The following TASOR2 variants were observed in gnomAD, a reference collection of about 807,000 sequenced individuals.
The protein encoded by TASOR2 is transcription activation suppressor family member 2.
TASOR2 carries 84 observed loss-of-function variants against 199.5 expected under a neutral mutation model. The observed-to-expected ratio is 0.42, with a 90% CI of 0.35 to 0.50. TASOR2 has a LOEUF of 0.50. TASOR2 is among the 20% of genes least tolerant of loss of function. The pLI is 0.02. For synonymous variants in TASOR2, 1,103 were observed against 1,046.6 expected (o/e 1.05, Z -1.04); for missense variants, 2,796 against 2,835.9 (o/e 0.99, Z 0.32).
Position 5,750,168 on chromosome 10 carries a change from T to A in TASOR2, c.6606+141T>A. On this transcript the variant is annotated intron_variant, in intron 15 of 20. Transcript: ENST00000328090. The surrounding 1 kb of genome is among the most constrained non-coding windows in gnomAD (Gnocchi z 5.4). ...TTTCACAGCTTAGTCTTTATCTGCA[T>A]ACTAAATGTTTTCCTGCAGGATCTG... The A allele has an allele frequency of 1.1e-6, 1 of 893,706 alleles. No individual in the cohort carries two copies. Among genetic ancestry groups the A allele is most frequent in the Non-Finnish European group, 1.6e-6 (1 of 622,864 alleles). The allele number at this position is 893,706 out of a possible 1,614,324, so 55.4% of individuals were successfully genotyped here.
intron 1 of TASOR2, among the ~76,000 whole-genome samples, chr10:5,711,732 A>G (rs996240764): frequency 1.3e-5 from 2 of 152,212 alleles, no homozygotes; most frequent in South Asian, 2.1e-4. Context: ...GCTATCTCAC[A>G]TGGGTATGGT....
rs1342238416 is a variant in TASOR2 at position 5,748,026 on chromosome 10, A to G, written c.4605A>G (p.Thr1535=). The G allele has an allele frequency of 6.2e-7, 1 of 1,614,040 alleles. No individual in the cohort carries two copies. Among genetic ancestry groups the G allele is most frequent in the East Asian group, 2.2e-5 (1 of 44,892 alleles). ...AGCCTGCCTCAGCTGCCAAATGCAC[A>G]GGTGACTTCAGTCCTTCTCCTGAAA... The change falls in exon 15 of 21, where the codon ACA becomes ACG. Residue 1535 remains threonine, a synonymous_variant. Coordinates refer to ENST00000328090, the Ensembl canonical transcript of TASOR2. This position sits in a 1 kb window ranked among gnomAD's most constrained non-coding sequence, Gnocchi z 5.1.
At position 5,750,893 on chromosome 10, in the gene TASOR2, A is replaced by G. The variant is rs1837947010; in HGVS notation, c.6606+866A>G. ...TCTAGGTCTAGGATCATAGGTGTCTAGAATTGTCATGTCTTCAGTCTGCAA... is the reference window on the plus strand; with the variant it reads ...TCTAGGTCTAGGATCATAGGTGTCTGGAATTGTCATGTCTTCAGTCTGCAA... On this transcript the variant is annotated intron_variant, in intron 15 of 20. Transcript: ENST00000328090. The surrounding 1 kb of genome is among the most constrained non-coding windows in gnomAD (Gnocchi z 5.4). 6.6e-6 allele frequency among the ~76,000 whole-genome samples: 1 copy of G among 152,234 alleles called. No homozygotes were observed. Among genetic ancestry groups the G allele is most frequent in the South Asian group, 2.1e-4 (1 of 4,824 alleles).
rs778566991 is a variant in TASOR2 at position 5,742,109 on chromosome 10, T to C, written c.2340T>C (p.Thr780=). 1 of 1,613,826 alleles carries C rather than the reference T, an allele frequency of 6.2e-7. No homozygotes were observed. The highest frequency in any genetic ancestry group is 8.5e-7 in the Non-Finnish European group (1 of 1,179,944). Residue 780 remains threonine (T), a synonymous_variant, in exon 14 of 21, where the codon ACT becomes ACC. Coordinates refer to ENST00000328090, the Ensembl canonical transcript of TASOR2. The surrounding 1 kb of genome is among the most constrained non-coding windows in gnomAD (Gnocchi z 4.2). ...TGTAAACTCTTAGGCCCTGGAATAC[T>C]GATTTGCCTGATAATGTGGAAGAAG...
chr10:5,736,285 G>A (rs1468843299), intron 12 of TASOR2, among the ~76,000 whole-genome samples: 1 of 152,052 alleles, frequency 6.6e-6, no homozygotes, highest in Non-Finnish European at 1.5e-5. Flanking sequence ...AGGCGTGGTG[G>A]CACATGCCTG....
chr10:5,727,391 C>A (rs1834181845), intron 10 of TASOR2, among the ~76,000 whole-genome samples: 1 of 152,134 alleles, frequency 6.6e-6, no homozygotes, highest in Admixed American at 6.5e-5. Context: ...AAACTGAATT[C>A]ATTTATTATT....
chr10:5,759,745 C>T (rs1372273898), intron 18 of TASOR2, among the ~76,000 whole-genome samples: 2 of 152,240 alleles, frequency 1.3e-5, no homozygotes, highest in African/African-American at 4.8e-5. Flanking sequence ...CGACTGTTAG[C>T]TGTATGTGAC....
chr10:5,757,792 A>G, intron 17 of TASOR2, 119 bp downstream of exon 18: 1 of 1,038,908 alleles, frequency 9.6e-7, no homozygotes, highest in Non-Finnish European at 1.4e-6. Context: ...GTTGCCCCCT[A>G]CTGAGGCATA....
chr10:5,732,610 T>G (rs946469498), intron 11 of TASOR2, among the ~76,000 whole-genome samples: 6 of 152,132 alleles, frequency 3.9e-5, no homozygotes, highest in African/African-American at 1.4e-4. Context: ...CAGGCTGGAG[T>G]TGAGTGACAT....
rs1048771191 is a variant in TASOR2, at chr10:5,706,427, G to A, written c.-287-6396G>A. Among the ~76,000 whole-genome samples, 8 of 152,140 alleles carry A rather than the reference G, an allele frequency of 5.3e-5. No homozygotes were observed. Among genetic ancestry groups the A allele is most frequent in the African/African-American group, 1.7e-4 (7 of 41,422 alleles). On this transcript the variant is annotated intron_variant, in intron 1 of 20. Transcript: ENST00000328090. This position sits in a 1 kb window ranked among gnomAD's most constrained non-coding sequence, Gnocchi z 4.8. ...TAACATCCCCCAGCAAAGTTAGAAA[G>A]CCAGGCAGTAATATCAGAGGGCACA... is the stretch of plus-strand genomic sequence containing the variant.
chr10:5,705,362 A>G (rs1434213431), intron 1 of TASOR2, among the ~76,000 whole-genome samples: 1 of 152,188 alleles, frequency 6.6e-6, no homozygotes, highest in African/African-American at 2.4e-5. Context: ...ATTATGTGTG[A>G]ATATACAAGT....
rs148894359 is a variant in TASOR2 at position 5,761,465 on chromosome 10, C to T, written c.7168C>T (p.Leu2390=). The T allele has an allele frequency of 1.3e-5, 21 of 1,610,822 alleles. No homozygotes were observed. In the East Asian group the frequency reaches 3.8e-4, roughly 29 times the overall value. The change falls in exon 19 of 21, where the codon CTA becomes TTA. Residue 2390 remains leucine (L), a synonymous_variant. Coordinates refer to ENST00000328090, the Ensembl canonical transcript of TASOR2. The stretch of plus-strand genomic sequence containing the variant: ...TATTGATGCCAGGTTTGCTGTCCTC[C>T]TAACAGGTAATTCACAGGCGCATTT...
intron 1 of TASOR2, among the ~76,000 whole-genome samples, chr10:5,700,918 T>G (rs1301964658): frequency 1.3e-5 from 2 of 151,972 alleles, no homozygotes; most frequent in Non-Finnish European, 2.9e-5. Context: ...AAATATTTTC[T>G]CCCATTCTGT....
chr10:5,691,568 T>C (rs184334166), intron 1 of TASOR2, among the ~76,000 whole-genome samples: 2 of 152,370 alleles, frequency 1.3e-5, no homozygotes, highest in African/African-American at 4.8e-5. Flanking sequence ...ATCTACATAA[T>C]TGTTTATGAA....
Position 5,762,513 on chromosome 10 carries a change from T to TTTTG in TASOR2, c.7175-16_7175-15insGTTT, listed in dbSNP as rs1554784533. ...ATTAATTATATTAACCAAAAGTTGT[T>TTTTG]TTTTTTTTTTTTTAACAGACAAGCC... On this transcript the variant is annotated intron_variant, in intron 19 of 20. Coordinates refer to ENST00000328090, the Ensembl canonical transcript of TASOR2. The TTTTG allele has an allele frequency of 1.5e-5, 8 of 538,668 alleles. 1 individual carries two copies. Among genetic ancestry groups the TTTTG allele is most frequent in the African/African-American group, 8.1e-5 (4 of 49,506 alleles). 33.4% of individuals were successfully genotyped at this position (538,668 alleles called of 1,614,324 possible).
chr10:5,690,240 T>C lies in TASOR2; in HGVS notation c.-288+5065T>C, dbSNP rs568245435. ...GCTTTTTTAATTTGCTTTTTAAAAT[T>C]ACTGTTTTTATCATAAGAAATGTAT... On this transcript the variant is annotated intron_variant, in intron 1 of 20. Transcript: ENST00000328090. This position sits in a 1 kb window ranked among gnomAD's most constrained non-coding sequence, Gnocchi z 4.8. Among the ~76,000 whole-genome samples, 2 of 152,358 alleles carry C rather than the reference T, an allele frequency of 1.3e-5. No homozygotes were observed. The highest frequency in any genetic ancestry group is 4.1e-4 in the South Asian group (2 of 4,830).
chr10:5,724,697 T>C (rs1238738077), intron 8 of TASOR2, among the ~76,000 whole-genome samples, 164 bp downstream of exon 9: 1 of 149,128 alleles, frequency 6.7e-6, no homozygotes, highest in Non-Finnish European at 1.5e-5. Flanking sequence ...AGATATATAT[T>C]AGTTGTGCTG....
chr10:5,709,651 C>T (rs960845213), intron 1 of TASOR2: 1 of 1,230,852 alleles, frequency 8.1e-7, no homozygotes, highest in African/African-American at 1.6e-5. Context: ...GACAGGGTCC[C>T]TATCAGAAAA....
intron 11 of TASOR2, among the ~76,000 whole-genome samples, chr10:5,733,054 C>T (rs766352368): frequency 3.9e-5 from 6 of 152,150 alleles, no homozygotes; most frequent in Admixed American, 6.5e-5. Flanking sequence ...TATAACTCAA[C>T]ATAAATTGTC....
Sources: gnomAD v4.1 joint callset for allele counts (sites outside exome capture counted in the v4.1 genomes callset) on GRCh38, gnomAD v4.1.1 for gene constraint, Gnocchi (gnomAD v3.1) non-coding constraint, MANE v1.5 for transcripts, NCBI Gene and HGNC (gene_info 2026-07-23, HGNC 2026-07-21) for gene names.